PHF12: variants seen among roughly 807,000 people sequenced by gnomAD.
PHF12 encodes the protein PHD factor 1.
Under a neutral mutation model 99.8 loss-of-function variants are expected in PHF12, and 6 were observed. The ratio of observed to expected loss-of-function variants is 0.06; its 90% CI spans 0.03 to 0.12. The LOEUF (loss-of-function observed/expected upper bound fraction) is 0.12. PHF12 is among the 10% of genes least tolerant of loss of function. The pLI is 1.00. For missense variants in PHF12, 954 were observed against 1,300.1 expected (o/e 0.73, Z 4.09); for synonymous variants, 480 against 514.9 (o/e 0.93, Z 0.92).
At chr17:28,947,165 T>C (rs1036017982) in intron 2 of PHF12, among the ~76,000 whole-genome samples, 16 of 151,468 alleles carry the variant, frequency 1.1e-4, no homozygotes, top group Admixed American at 9.8e-4. Flanking sequence ...GTATTTTTAG[T>C]AGAGACGGAG....
chr17:28,934,320 T>C (rs1347897082), intron 2 of PHF12, among the ~76,000 whole-genome samples: 1 of 152,208 alleles, frequency 6.6e-6, no homozygotes, highest in Non-Finnish European at 1.5e-5. Flanking sequence ...AGTTTGGACA[T>C]TTGGTACCTG....
chr17:28,940,850 A>C (rs1409192425), intron 2 of PHF12, among the ~76,000 whole-genome samples: 1 of 152,092 alleles, frequency 6.6e-6, no homozygotes, highest in Non-Finnish European at 1.5e-5. Flanking sequence ...CACTGAATAC[A>C]ATGTCCTCCT....
Position 28,951,036 on chromosome 17 carries a change from G to A in PHF12, c.-76C>T, listed in dbSNP as rs1048568326. The A allele has an allele frequency of 2.8e-5, 45 of 1,604,466 alleles. 1 individual carries two copies. Among genetic ancestry groups the A allele is most frequent in the Non-Finnish European group, 3.6e-5 (42 of 1,175,252 alleles). On this transcript the variant is annotated 5_prime_UTR_variant, in exon 1 of 15. Transcript: ENST00000332830. ...GGGGGAGGGGGGAGGTGAGGGGAGG[G>A]GGCGCTCCTGACCCCGGCCCCGCTT... is the stretch of plus-strand genomic sequence containing the variant.
chr17:28,924,486 T>C (rs554677729), intron 3 of PHF12, 184 bp from the exon 4 acceptor site: 42 of 728,234 alleles, frequency 5.8e-5, no homozygotes, highest in Non-Finnish European at 8.1e-5. Context: ...GAACTAAAGC[T>C]GACAAAACTG....
chr17:28,914,932 C>G (rs1430519022), intron 7 of PHF12, among the ~76,000 whole-genome samples: 2 of 152,192 alleles, frequency 1.3e-5, no homozygotes, highest in Non-Finnish European at 2.9e-5. Context: ...GTTCCAAGTT[C>G]TAGAGATCCA....
In PHF12 at chr17:28,924,489, C is replaced by A. The variant is rs528169393; in HGVS notation, c.322-187G>T. 1.1e-4 allele frequency: 81 copies of A among 720,180 alleles called. No homozygotes were observed. In the Middle Eastern group the frequency reaches 1.6e-3, roughly 14 times the overall value. 44.6% of individuals were successfully genotyped at this position (720,180 alleles called of 1,614,324 possible). ...ACAACTCTAACTGAACTAAAGCTGACAAAACTGTTGCATCAGAGAATCACC... is the reference window on the plus strand; with the variant it reads ...ACAACTCTAACTGAACTAAAGCTGAAAAAACTGTTGCATCAGAGAATCACC... On this transcript the variant is annotated intron_variant, in intron 3 of 14. Transcript: ENST00000332830.
chr17:28,912,948 C>T lies in PHF12; in HGVS notation c.1623G>A (p.Val541=). ...KTPCGTANGP[V]NTEVKANGPH... ...GGCCATTAGCTTTCACCTCTGTGTT[C>T]ACTGGCCCATTGGCAGTCCCACAAG... Residue 541 remains valine, a synonymous_variant, in exon 9 of 15, where the codon GTG becomes GTA. Transcript: ENST00000332830. 2 of 1,614,216 alleles carry T rather than the reference C, an allele frequency of 1.2e-6. No individual in the cohort carries two copies. Among genetic ancestry groups the T allele is most frequent in the Non-Finnish European group, 1.7e-6 (2 of 1,180,042 alleles).
chr17:28,921,753 T>G lies in PHF12; in HGVS notation c.771A>C (p.Thr257=). ...EETTGKNVKK[T]QHELDHNGLV... is the part of the protein sequence containing the mutation. ...GACCATTGTGATCTAATTCATGCTG[T>G]GTCTTCTTAACATTTTTCCCTGTGG... Residue 257 remains threonine, a synonymous_variant, in exon 5 of 15, where the codon ACA becomes ACC. Coordinates refer to ENST00000332830, the MANE Select transcript of PHF12 (RefSeq NM_001033561.2). 1.2e-6 allele frequency: 2 copies of G among 1,614,168 alleles called. No individual in the cohort carries two copies. The highest frequency in any genetic ancestry group is 1.7e-6 in the Non-Finnish European group (2 of 1,179,982).
rs755777550 is a variant in PHF12, at chr17:28,914,057, G to A, written c.1135-20C>T. The A allele has an allele frequency of 2.5e-6, 4 of 1,583,150 alleles. No individual in the cohort carries two copies. The highest frequency in any genetic ancestry group is 2.3e-5 in the East Asian group (1 of 44,164). On this transcript the variant is annotated intron_variant, in intron 7 of 14. Coordinates refer to ENST00000332830, the MANE Select transcript of PHF12 (RefSeq NM_001033561.2). ...AGGAACCTGTTCAGGATAGATAGAA[G>A]GAGGAAGGAGAGGGAGATAGTTCCA... is the stretch of plus-strand genomic sequence containing the variant.
chr17:28,926,460 C>T (rs112177978), intron 3 of PHF12: 2,648 of 246,312 alleles, frequency 0.011, 64 homozygotes, highest in African/African-American at 0.057. Flanking sequence ...TCTTGTTACC[C>T]ACAAGAGTTC....
At chr17:28,907,547 T>G (rs761531957) in intron 13 of PHF12, 43 bp downstream of exon 13, 1 of 1,594,612 alleles carries the variant, frequency 6.3e-7, no homozygotes, top group East Asian at 2.2e-5. Flanking sequence ...GGGAGAGGCC[T>G]CAGGTTGGGA....
intron 13 of PHF12, chr17:28,907,273 A>G (rs1214808146): frequency 1.9e-6 from 1 of 513,890 alleles, no homozygotes. Context: ...ATGATAATGA[A>G]ATTCACAGGG....
At position 28,906,996 on chromosome 17, in the gene PHF12, TGAG is replaced by T. The variant is rs752545014; in HGVS notation, c.2542-5_2542-3del. The T allele has an allele frequency of 2.2e-5, 35 of 1,603,270 alleles. No homozygotes were observed. The highest frequency in any genetic ancestry group is 4.0e-5 in the African/African-American group (3 of 74,634). On this transcript the variant is annotated splice_polypyrimidine_tract_variant and splice_region_variant and intron_variant, in intron 13 of 14. Transcript: ENST00000332830. The surrounding 1 kb of genome is among the most constrained non-coding windows in gnomAD (Gnocchi z 4.2). ...TAACAGCTCATAATGTTTGGTATTC[TGAG>T]GAGGAGGAGGGGAGATAAGATGTGT...
intron 6 of PHF12, among the ~76,000 whole-genome samples, chr17:28,917,925 C>T (rs182529987): frequency 5.3e-5 from 8 of 152,306 alleles, no homozygotes; most frequent in Non-Finnish European, 2.9e-5. Flanking sequence ...GGGTCAGAAC[C>T]AGAAATCCGT....
intron 2 of PHF12, among the ~76,000 whole-genome samples, chr17:28,934,874 T>G (rs965158290): frequency 6.6e-5 from 10 of 152,258 alleles, no homozygotes; most frequent in Admixed American, 6.5e-4. Context: ...GTGCTGAGAT[T>G]ACAGGCGTAA....
chr17:28,934,389 T>C (rs961492328), intron 2 of PHF12, among the ~76,000 whole-genome samples: 1 of 152,172 alleles, frequency 6.6e-6, no homozygotes, highest in Non-Finnish European at 1.5e-5. Context: ...TAACAAATGG[T>C]AATTCAGCCA....
chr17:28,919,888 G>C (rs1197684601), intron 5 of PHF12, among the ~76,000 whole-genome samples: 1 of 152,190 alleles, frequency 6.6e-6, no homozygotes, highest in Non-Finnish European at 1.5e-5. Context: ...TAAAGTGGCA[G>C]AGTAGGGATG....
intron 2 of PHF12, among the ~76,000 whole-genome samples, chr17:28,947,539 C>T (rs997725278): frequency 6.6e-5 from 10 of 151,930 alleles, no homozygotes; most frequent in Admixed American, 6.6e-4. Context: ...GATTGCACCA[C>T]TGCACTCCAG....
intron 7 of PHF12, among the ~76,000 whole-genome samples, chr17:28,916,322 G>T (rs2040061119): frequency 6.6e-6 from 1 of 152,140 alleles, no homozygotes; most frequent in Non-Finnish European, 1.5e-5. Flanking sequence ...AGCCTCCCGA[G>T]TAGCTGGTAT....
Sources: gnomAD v4.1 joint callset for allele counts (sites outside exome capture counted in the v4.1 genomes callset) on GRCh38, gnomAD v4.1.1 for gene constraint, Gnocchi (gnomAD v3.1) non-coding constraint, MANE v1.5 for transcripts, NCBI Gene and HGNC (gene_info 2026-07-23, HGNC 2026-07-21) for gene names.